Variants in PAM16 observed in about 807,000 individuals in gnomAD.
The protein encoded by PAM16 is mitochondrial import inner membrane translocase subunit TIM16.
Under a neutral mutation model 17.9 loss-of-function variants are expected in PAM16, and 11 were observed. The observed-to-expected ratio is 0.62, with a 90% confidence interval of 0.39 to 1.02. The LOEUF (loss-of-function observed/expected upper bound fraction) is 1.02. Ranked by LOEUF, PAM16 falls within the 50% of genes least tolerant of loss-of-function variation. PAM16 has a pLI of 0.01. For synonymous variants in PAM16, 72 were observed against 67.4 expected (o/e 1.07, Z -0.34); for missense variants, 199 against 165.4 (o/e 1.20, Z -1.11).
At chr16:4,348,816 C>T (rs867454040) in intron 1 of PAM16, among the ~76,000 whole-genome samples, 18 of 151,806 alleles carry the variant, frequency 1.2e-4, no homozygotes, top group Non-Finnish European at 1.5e-4. Flanking sequence ...CTGCCATGCC[C>T]GGCTAATTTT....
intron 1 of PAM16, chr16:4,343,675 G>C (rs890398142): frequency 4.2e-6 from 3 of 709,894 alleles, no homozygotes; most frequent in East Asian, 3.3e-5. Context: ...CTCGACCCTG[G>C]GGCCGACCAT....
At position 4,340,944 on chromosome 16, in the gene PAM16, AC is replaced by A. The variant is rs776092733; in HGVS notation, c.266del (p.Gly89ValfsTer52). On this transcript the variant is annotated frameshift_variant, in exon 4 of 5. Transcript: ENST00000318059. LOFTEE classifies it high-confidence loss of function. The part of the protein sequence containing the change: ...HLFKVNDKSV[G>X]GSFYLQSKVV... ...CCTTTGACTGCAGGTAGAAGGAGCC[AC>A]CCACGGATTTATCATTCACCTTAAA... 6.2e-7 allele frequency: 1 copy of A among 1,613,680 alleles called. No homozygotes were observed. Among genetic ancestry groups the A allele is most frequent in the East Asian group, 2.2e-5 (1 of 44,876 alleles).
intron 2 of PAM16, chr16:4,341,726 C>T (rs376335957): frequency 3.5e-5 from 25 of 717,768 alleles, no homozygotes; most frequent in African/African-American, 2.7e-4. Context: ...AGGATCTGAC[C>T]GCTAATCCTG....
intron 1 of PAM16, chr16:4,348,208 A>C (rs1396955630): frequency 6.6e-6 from 1 of 152,244 alleles, no homozygotes; most frequent in Non-Finnish European, 1.5e-5. Context: ...TGGCTGGCGC[A>C]GTAAGTGCCC....
intron 2 of PAM16, 131 bp downstream of exon 2, chr16:4,343,076 C>A: frequency 8.3e-7 from 1 of 1,203,808 alleles, no homozygotes; most frequent in South Asian, 1.3e-5. Flanking sequence ...TCTGGCATCA[C>A]CCCCCACCAT....
At chr16:4,350,544 G>C (rs2053835024) in intron 1 of PAM16, among the ~76,000 whole-genome samples, 1 of 151,928 alleles carries the variant, frequency 6.6e-6, no homozygotes. Context: ...TGGACTACAG[G>C]CGCGCACCAC....
rs1404090696 is a variant in PAM16 at position 4,340,360 on chromosome 16, C to T, written c.337G>A (p.Ala113Thr). 6.2e-7 allele frequency: 1 copy of T among 1,612,748 alleles called. No individual in the cohort carries two copies. The highest frequency in any genetic ancestry group is 8.5e-7 in the Non-Finnish European group (1 of 1,179,908). ...ERLDEELKIQ[A>T]QEDREKGQMP... Reference sequence around the variant, plus strand: ...TGCCCTTTTTCTCTGTCCTCCTGGGCCTGGATTTTGAGTTCCTCATCCAGG... The same window carrying T: ...TGCCCTTTTTCTCTGTCCTCCTGGGTCTGGATTTTGAGTTCCTCATCCAGG... Residue 113 changes from alanine to threonine, a missense_variant, in exon 5 of 5, where the codon GCC (alanine) becomes ACC (threonine). Coordinates refer to ENST00000318059, the MANE Select transcript of PAM16 (RefSeq NM_016069.11).
intron 1 of PAM16, 152 bp from the exon 2 acceptor site, chr16:4,343,443 C>T: frequency 2.8e-6 from 4 of 1,438,240 alleles, no homozygotes; most frequent in Non-Finnish European, 3.7e-6. Context: ...CCAAAGCACC[C>T]TGAATGAAAG....
intron 1 of PAM16, among the ~76,000 whole-genome samples, chr16:4,348,819 C>A (rs767295554): frequency 1.2e-4 from 18 of 151,754 alleles, no homozygotes; most frequent in Admixed American, 2.6e-4. Flanking sequence ...CCATGCCCGG[C>A]TAATTTTTTG....
rs371095700 is a variant in PAM16 at position 4,351,282 on chromosome 16, C to T, written c.-48G>A. ...CTCAAACTCCGACTTCCTGGCCCCG[C>T]GGCCGGGGATCAAGCGTGGTCGGCG... On this transcript the variant is annotated 5_prime_UTR_variant, in exon 1 of 5. Transcript: ENST00000318059. The T allele has an allele frequency of 8.4e-5, 121 of 1,437,300 alleles. No homozygotes were observed. The highest frequency in any genetic ancestry group is 1.1e-4 in the Non-Finnish European group (114 of 1,082,418). The allele number at this position is 1,437,300 out of a possible 1,614,324, so 89.0% of individuals were successfully genotyped here.
At chr16:4,344,514 CTGTGAGAGAAGGGGACTG>C (rs2053712853) in intron 1 of PAM16, among the ~76,000 whole-genome samples, 114 of 1,830 alleles carry the variant, frequency 0.062, 1 homozygote, top group Non-Finnish European at 0.084. Context: ...GGAGGGGGTT[CTGTGAGAGAAGGGGACTG>C]TGTGAGAGGA....
Position 4,340,355 on chromosome 16 carries a change from C to T in PAM16, c.342G>A (p.Gln114=), listed in dbSNP as rs766168252. The change falls in exon 5 of 5, where the codon CAG becomes CAA. Residue 114 remains glutamine, a synonymous_variant. Coordinates refer to ENST00000318059, the MANE Select transcript of PAM16 (RefSeq NM_016069.11). ...RLDEELKIQA[Q]EDREKGQMPH... is the part of the protein sequence containing the mutation. ...GCATCTGCCCTTTTTCTCTGTCCTC[C>T]TGGGCCTGGATTTTGAGTTCCTCAT... 1 of 1,613,046 alleles carries T rather than the reference C, an allele frequency of 6.2e-7. No individual in the cohort carries two copies. Among genetic ancestry groups the T allele is most frequent in the South Asian group, 1.1e-5 (1 of 91,084 alleles).
intron 1 of PAM16, chr16:4,343,890 G>A (rs541902784): frequency 5.5e-4 from 217 of 397,950 alleles, no homozygotes; most frequent in Admixed American, 9.7e-4. Context: ...CAAATCATGA[G>A]GGAGAGTCAG....
chr16:4,344,208 G>T, intron 1 of PAM16: 1 of 340,376 alleles, frequency 2.9e-6, no homozygotes, highest in East Asian at 4.0e-5. Flanking sequence ...CTGTGTGAGA[G>T]GAGGGCGTTC....
intron 1 of PAM16, chr16:4,343,556 A>G: frequency 7.1e-7 from 1 of 1,404,726 alleles, no homozygotes; most frequent in Non-Finnish European, 9.2e-7. Flanking sequence ...CCTTCAGGAA[A>G]GGCGTAGAGG....
At chr16:4,349,199 C>A (rs1168581092) in intron 1 of PAM16, among the ~76,000 whole-genome samples, 1 of 151,914 alleles carries the variant, frequency 6.6e-6, no homozygotes, top group Non-Finnish European at 1.5e-5. Flanking sequence ...TCGTGATCCA[C>A]CCGCCTGAGA....
intron 1 of PAM16, among the ~76,000 whole-genome samples, chr16:4,350,557 C>T (rs1596257241): frequency 6.6e-6 from 1 of 152,122 alleles, no homozygotes; most frequent in South Asian, 2.1e-4. Context: ...CGCACCACCC[C>T]ACCCGGCTAA....
rs947031387 is a variant in PAM16, at chr16:4,343,480, C to T, written c.4-189G>A. 2.4e-5 allele frequency: 35 copies of T among 1,431,388 alleles called. No homozygotes were observed. The African/African-American group carries it at 4.3e-4, about 18-fold the overall frequency. 88.7% of individuals were successfully genotyped at this position (1,431,388 alleles called of 1,614,324 possible). A position where few individuals can be genotyped will look rare whatever the true frequency, so the allele number is the denominator to read the frequency against. ...TTCCATGGTGGGTGGCTTAGTTACT[C>T]ACTGGACAGGCAGGCAGGCGGGTGA... On this transcript the variant is annotated intron_variant, in intron 1 of 4. Transcript: ENST00000318059.
intron 1 of PAM16, among the ~76,000 whole-genome samples, chr16:4,346,223 G>A (rs1308744792): frequency 2.0e-5 from 3 of 152,244 alleles, no homozygotes; most frequent in African/African-American, 7.2e-5. Context: ...AGAAGACGCA[G>A]TGTAGTGTAA....
Sources: gnomAD v4.1 joint callset for allele counts (sites outside exome capture counted in the v4.1 genomes callset) on GRCh38, gnomAD v4.1.1 for gene constraint, MANE v1.5 for transcripts, NCBI Gene and HGNC (gene_info 2026-07-23, HGNC 2026-07-21) for gene names.